Variants in NKAIN3 observed in about 807,000 individuals in gnomAD.
NKAIN3 encodes the protein sodium/potassium-transporting ATPase subunit beta-1-interacting protein 3.
A neutral mutation model predicts 30.2 loss-of-function variants in NKAIN3; 25 were observed. That is an observed-to-expected ratio of 0.83 (90% CI 0.60 to 1.16). NKAIN3 has a LOEUF of 1.16. Among genes scored for constraint, NKAIN3 ranks in the 50% most tolerant of loss-of-function variants. The pLI, the probability that NKAIN3 is intolerant of heterozygous loss-of-function variation, is 0.00. For synonymous variants in NKAIN3, 91 were observed against 89.6 expected (o/e 1.02, Z -0.09); for missense variants, 225 against 254.1 (o/e 0.89, Z 0.78).
Position 62,620,381 on chromosome 8 carries a change from C to A in NKAIN3, c.273+30587C>A, listed in dbSNP as rs1238135748. ...AAAGTTCTCCATGCACATTCTGTTT[C>A]TCAAATTCCCTCAGCTTAACAGATC... On this transcript the variant is annotated intron_variant, in intron 3 of 6. Coordinates refer to ENST00000623646, the MANE Select transcript of NKAIN3 (RefSeq NM_001304533.3). 2.0e-5 allele frequency among the ~76,000 whole-genome samples: 3 copies of A among 152,124 alleles called. No homozygotes were observed. The East Asian group carries it at 5.8e-4, about 29-fold the overall frequency.
At chr8:62,602,751 T>C (rs1373414083) in intron 3 of NKAIN3, among the ~76,000 whole-genome samples, 1 of 152,144 alleles carries the variant, frequency 6.6e-6, no homozygotes, top group Non-Finnish European at 1.5e-5. Flanking sequence ...CTCATAATGA[T>C]GTTGGTCTGT....
chr8:62,670,704 CT>C (rs1813272458), intron 3 of NKAIN3, among the ~76,000 whole-genome samples: 1 of 151,998 alleles, frequency 6.6e-6, no homozygotes, highest in South Asian at 2.1e-4. Context: ...TCTTTCCTTC[CT>C]GAGTAAGCAG....
intron 1 of NKAIN3, among the ~76,000 whole-genome samples, chr8:62,318,554 C>A (rs1814745537): frequency 6.7e-6 from 1 of 149,994 alleles, no homozygotes; most frequent in African/African-American, 2.5e-5. Flanking sequence ...TTGAGATAAT[C>A]ATGTGGTTTT....
chr8:62,611,928 T>C (rs750794758), intron 3 of NKAIN3, among the ~76,000 whole-genome samples: 1 of 152,144 alleles, frequency 6.6e-6, no homozygotes, highest in South Asian at 2.1e-4. Context: ...GTTTCCCTTT[T>C]CTTCACATCC....
chr8:62,726,872 T>A (rs992554870), intron 3 of NKAIN3, among the ~76,000 whole-genome samples: 1 of 152,014 alleles, frequency 6.6e-6, no homozygotes, highest in African/African-American at 2.4e-5. Context: ...ATTACTGTAA[T>A]ACCAAAACCA....
At chr8:62,809,665 A>G (rs1243367561) in intron 4 of NKAIN3, among the ~76,000 whole-genome samples, 1 of 152,200 alleles carries the variant, frequency 6.6e-6, no homozygotes, top group Non-Finnish European at 1.5e-5. Context: ...TTCCATTAAA[A>G]TGTACATATA....
At chr8:62,767,382 G>A (rs1292224492) in intron 4 of NKAIN3, among the ~76,000 whole-genome samples, 1 of 152,152 alleles carries the variant, frequency 6.6e-6, no homozygotes, top group Non-Finnish European at 1.5e-5. Context: ...TACACCTGAA[G>A]AGGCTGGTGA....
intron 1 of NKAIN3, among the ~76,000 whole-genome samples, chr8:62,554,292 C>A (rs1809315550): frequency 1.3e-5 from 2 of 152,118 alleles, no homozygotes; most frequent in Admixed American, 1.3e-4. Context: ...CTAACTAGTT[C>A]TGAACTTGAG....
intron 1 of NKAIN3, among the ~76,000 whole-genome samples, chr8:62,440,393 A>G (rs139097723): frequency 1.3e-5 from 2 of 152,326 alleles, no homozygotes; most frequent in African/African-American, 4.8e-5. Flanking sequence ...TTTTGTTAGT[A>G]GATATGGAAA....
intron 4 of NKAIN3, among the ~76,000 whole-genome samples, chr8:62,878,717 T>C (rs189709842): frequency 0.013 from 1,888 of 140,702 alleles, 47 homozygotes; most frequent in African/African-American, 0.047. Flanking sequence ...CTGTGTCCTG[T>C]GTTCTCATTG....
chr8:62,747,271 G>C, intron 4 of NKAIN3, 142 bp downstream of exon 4: 1 of 580,870 alleles, frequency 1.7e-6, no homozygotes, highest in Non-Finnish European at 3.1e-6. Context: ...GGTACCACTA[G>C]TTATACCTGA....
chr8:62,965,492 T>C lies in NKAIN3; in HGVS notation c.*85T>C, dbSNP rs188999603. On this transcript the variant is annotated 3_prime_UTR_variant, in exon 7 of 7. Coordinates refer to ENST00000623646, the MANE Select transcript of NKAIN3 (RefSeq NM_001304533.3). ...AGAGGCTAGACTGTGCTTCCTGGCTTTCCCACGAATCATGGAGCATTTTGG... is the reference window on the plus strand; with the variant it reads ...AGAGGCTAGACTGTGCTTCCTGGCTCTCCCACGAATCATGGAGCATTTTGG... The C allele has an allele frequency of 1.0e-6, 1 of 985,720 alleles. No individual in the cohort carries two copies. Among genetic ancestry groups the C allele is most frequent in the East Asian group, 1.1e-4 (1 of 8,792 alleles). The allele number at this position is 985,720 out of a possible 1,614,324, so 61.1% of individuals were successfully genotyped here.
intron 5 of NKAIN3, among the ~76,000 whole-genome samples, chr8:62,946,600 C>T (rs562798490): frequency 1.3e-5 from 2 of 152,300 alleles, no homozygotes; most frequent in South Asian, 4.1e-4. Flanking sequence ...GATGTCAAGC[C>T]TCTTCCCCAG....
At chr8:62,299,812 G>A (rs1813981191) in intron 1 of NKAIN3, among the ~76,000 whole-genome samples, 1 of 152,000 alleles carries the variant, frequency 6.6e-6, no homozygotes, top group Non-Finnish European at 1.5e-5. Flanking sequence ...ACACGGAAAG[G>A]CTTTATTTTT....
intron 1 of NKAIN3, among the ~76,000 whole-genome samples, chr8:62,423,658 A>G (rs764975939): frequency 1.3e-5 from 2 of 151,892 alleles, no homozygotes; most frequent in Non-Finnish European, 2.9e-5. Context: ...ATAAAAATTA[A>G]GATTATTTTT....
At chr8:62,311,543 A>G (rs1405615478) in intron 1 of NKAIN3, among the ~76,000 whole-genome samples, 4 of 150,632 alleles carry the variant, frequency 2.7e-5, no homozygotes, top group Non-Finnish European at 4.4e-5. Context: ...CTGAGACTGC[A>G]TGCAACTGGG....
At chr8:62,822,219 G>T (rs1004322884) in intron 4 of NKAIN3, among the ~76,000 whole-genome samples, 4 of 152,024 alleles carry the variant, frequency 2.6e-5, no homozygotes, top group African/African-American at 9.7e-5. Flanking sequence ...TTCATGCTAG[G>T]GCATAATTTA....
At chr8:62,727,838 T>C (rs189350184) in intron 3 of NKAIN3, among the ~76,000 whole-genome samples, 2 of 152,284 alleles carry the variant, frequency 1.3e-5, no homozygotes, top group East Asian at 3.9e-4. Flanking sequence ...CGATAAACTG[T>C]TTCTTTCTTT....
intron 1 of NKAIN3, among the ~76,000 whole-genome samples, chr8:62,310,749 G>T (rs1222431387): frequency 6.7e-6 from 1 of 150,246 alleles, no homozygotes; most frequent in African/African-American, 2.5e-5. Context: ...CAGCCCGAGT[G>T]TGTACTCATC....
Sources: gnomAD v4.1 joint callset for allele counts (sites outside exome capture counted in the v4.1 genomes callset) on GRCh38, gnomAD v4.1.1 for gene constraint, MANE v1.5 for transcripts, NCBI Gene and HGNC (gene_info 2026-07-23, HGNC 2026-07-21) for gene names.